The following PCDHA12 variants were observed in gnomAD, a reference collection of about 807,000 sequenced individuals.
The protein encoded by PCDHA12 is protocadherin alpha 12.
In PCDHA12, 44 loss-of-function variants were observed where a neutral mutation model predicts 60.0. The observed-to-expected ratio is 0.73, with a 90% CI of 0.58 to 0.94. The LOEUF is 0.94. Among genes scored for constraint, PCDHA12 ranks in the 40% least tolerant of loss-of-function variants. PCDHA12 has a pLI of 0.00. For synonymous variants in PCDHA12, 569 were observed against 553.0 expected (o/e 1.03, Z -0.40); for missense variants, 1,276 against 1,239.7 (o/e 1.03, Z -0.44).
chr5:141,003,540 T>A (rs2098129225), intron 3 of PCDHA12, among the ~76,000 whole-genome samples: 1 of 152,188 alleles, frequency 6.6e-6, no homozygotes, highest in Non-Finnish European at 1.5e-5. Flanking sequence ...CTTGAACTCC[T>A]GGCTTCAAGT....
chr5:140,886,043 T>C (rs977275136), intron 1 of PCDHA12, among the ~76,000 whole-genome samples: 3 of 152,168 alleles, frequency 2.0e-5, no homozygotes, highest in Admixed American at 6.5e-5. Context: ...TTTTCCCCAA[T>C]AGTAACATCT....
intron 1 of PCDHA12, among the ~76,000 whole-genome samples, chr5:140,880,565 A>T (rs1554171321): frequency 6.6e-6 from 1 of 152,206 alleles, no homozygotes; most frequent in Non-Finnish European, 1.5e-5. Flanking sequence ...TGAGGTTGAG[A>T]ATTTGAGAAG....
intron 1 of PCDHA12, chr5:140,929,420 C>A: frequency 6.7e-7 from 1 of 1,502,700 alleles, no homozygotes; most frequent in Non-Finnish European, 8.9e-7. Context: ...CACAACATTT[C>A]ATCAATTGAA....
At position 140,877,578 on chromosome 5, in the gene PCDHA12, C is replaced by A. The variant is rs782777600; in HGVS notation, c.2106C>A (p.Ile702=). 6 of 1,613,700 alleles carry A rather than the reference C, an allele frequency of 3.7e-6. No homozygotes were observed. Among genetic ancestry groups the A allele is most frequent in the East Asian group, 2.2e-5 (1 of 44,888 alleles). ...TGGATATTAACGTGTACCTCATCATCGCCATCTGTGCGGTGTCCAGCCTGC... is the reference window on the plus strand; with the variant it reads ...TGGATATTAACGTGTACCTCATCATAGCCATCTGTGCGGTGTCCAGCCTGC... ...ALVDINVYLI[I]AICAVSSLLV... Residue 702 remains isoleucine, a synonymous_variant, in exon 1 of 4, where the codon ATC becomes ATA. Transcript: ENST00000398631.
intron 1 of PCDHA12, among the ~76,000 whole-genome samples, chr5:140,942,271 A>G (rs1421470016): frequency 6.6e-6 from 1 of 152,184 alleles, no homozygotes; most frequent in Non-Finnish European, 1.5e-5. Context: ...AAAGCTGGTA[A>G]TGGTGGCTCA....
intron 1 of PCDHA12, among the ~76,000 whole-genome samples, chr5:140,905,708 C>T (rs1372981287): frequency 1.1e-4 from 16 of 152,092 alleles, no homozygotes; most frequent in Non-Finnish European, 1.6e-4. Context: ...TTATGATTTC[C>T]TTCAGCAGTG....
At chr5:140,907,564 C>A (rs782642591) in intron 1 of PCDHA12, among the ~76,000 whole-genome samples, 1 of 152,228 alleles carries the variant, frequency 6.6e-6, no homozygotes, top group African/African-American at 2.4e-5. Flanking sequence ...ATATAATCAA[C>A]TTGCCACCAG....
At chr5:140,996,947 T>C (rs1224598113) in intron 3 of PCDHA12, among the ~76,000 whole-genome samples, 2 of 152,176 alleles carry the variant, frequency 1.3e-5, no homozygotes, top group Non-Finnish European at 2.9e-5. Context: ...CATAGAAATA[T>C]TTATTTCCCT....
At position 140,927,469 on chromosome 5, in the gene PCDHA12, C is replaced by G. The variant is rs17844359; in HGVS notation, c.2367+49630C>G. ...GTTGGTGTTGGAGAAAGCACTGGATCGCGAACAGCGCGCCACCCACCTGCT... is the reference window on the plus strand; with the variant it reads ...GTTGGTGTTGGAGAAAGCACTGGATGGCGAACAGCGCGCCACCCACCTGCT... On this transcript the variant is annotated intron_variant, in intron 1 of 3. Transcript: ENST00000398631. 39 of 1,613,964 alleles carry G rather than the reference C, an allele frequency of 2.4e-5. No individual in the cohort carries two copies. The highest frequency in any genetic ancestry group is 1.3e-4 in the South Asian group (12 of 91,094).
chr5:140,941,202 C>CCTTCCTTTCTTTCTTTCTTT lies in PCDHA12; in HGVS notation c.2368-37744_2368-37743insCCTTTCTTTCTTTCTTTCTT, dbSNP rs1554213920. 2.0e-4 allele frequency among the ~76,000 whole-genome samples: 24 copies of CCTTCCTTTCTTTCTTTCTTT among 122,828 alleles called. 1 individual carries two copies. Among genetic ancestry groups the CCTTCCTTTCTTTCTTTCTTT allele is most frequent in the Non-Finnish European group, 2.3e-4 (13 of 55,838 alleles). The allele number at this position is 122,828 out of a possible 152,430, so 80.6% of individuals were successfully genotyped here. A position where few individuals can be genotyped will look rare whatever the true frequency, so the allele number is the denominator to read the frequency against. ...TCCTGCTTCTTTTTTTTTCTTTCTTCCTTTCTTTCTTCCTTTCTTTCTTTC... is the reference window on the plus strand; with the variant it reads ...TCCTGCTTCTTTTTTTTTCTTTCTTCCTTCCTTTCTTTCTTTCTTTCTTTCTTTCTTCCTTTCTTTCTTTC... On this transcript the variant is annotated intron_variant, in intron 1 of 3. Coordinates refer to ENST00000398631, the MANE Select transcript of PCDHA12 (RefSeq NM_018903.4).
rs534595431 is a variant in PCDHA12 at position 140,908,278 on chromosome 5, TG to T, written c.2367+30440del. On this transcript the variant is annotated intron_variant, in intron 1 of 3. Coordinates refer to ENST00000398631, the MANE Select transcript of PCDHA12 (RefSeq NM_018903.4). Reference sequence around the variant, plus strand: ...CATAGGGAACTCCCCATGAGGCCATTGTTGCAAGCTGGGGAAGAGAAGGAAG... The same window carrying T: ...CATAGGGAACTCCCCATGAGGCCATTTTGCAAGCTGGGGAAGAGAAGGAAG... Among the ~76,000 whole-genome samples the T allele has an allele frequency of 1.3e-3, 196 of 152,290 alleles. 1 individual carries two copies. Among genetic ancestry groups the T allele is most frequent in the African/African-American group, 4.6e-3 (191 of 41,570 alleles).
intron 1 of PCDHA12, among the ~76,000 whole-genome samples, chr5:140,908,732 A>G (rs909800763): frequency 6.6e-6 from 1 of 152,200 alleles, no homozygotes; most frequent in African/African-American, 2.4e-5. Flanking sequence ...ATATGGCTCG[A>G]GAAACAGAGC....
chr5:140,895,500 G>A (rs1554186539), intron 1 of PCDHA12, among the ~76,000 whole-genome samples: 2 of 152,046 alleles, frequency 1.3e-5, no homozygotes, highest in African/African-American at 2.4e-5. Context: ...CAGAACTTTT[G>A]CCCAATTTTT....
intron 1 of PCDHA12, among the ~76,000 whole-genome samples, chr5:140,907,719 C>A (rs2153502555): frequency 1.3e-5 from 2 of 152,330 alleles, no homozygotes; most frequent in South Asian, 4.1e-4. Flanking sequence ...CCATGTGTAA[C>A]CTCCATCCCT....
At chr5:140,926,650 T>G (rs1014447499) in intron 1 of PCDHA12, 13 of 487,778 alleles carry the variant, frequency 2.7e-5, no homozygotes, top group Middle Eastern at 5.5e-4. Flanking sequence ...CCCGGCCGGC[T>G]CCGCTTTCCC....
chr5:140,998,836 T>C (rs1388208720), intron 3 of PCDHA12, among the ~76,000 whole-genome samples: 2 of 152,254 alleles, frequency 1.3e-5, no homozygotes, highest in Non-Finnish European at 2.9e-5. Context: ...AGTGCTGGAT[T>C]ACTGGTGTGA....
chr5:140,932,351 A>G (rs1401387848), intron 1 of PCDHA12, among the ~76,000 whole-genome samples: 1 of 151,920 alleles, frequency 6.6e-6, no homozygotes, highest in African/African-American at 2.4e-5. Context: ...TTACCATACA[A>G]CTGGCCTTAT....
chr5:140,916,602 C>T (rs1554197542), intron 1 of PCDHA12, among the ~76,000 whole-genome samples: 2 of 152,240 alleles, frequency 1.3e-5, no homozygotes, highest in African/African-American at 2.4e-5. Context: ...GCCTGGAATG[C>T]GGGCCTCATG....
chr5:141,008,641 T>G (rs569373015), intron 3 of PCDHA12, among the ~76,000 whole-genome samples: 1 of 152,344 alleles, frequency 6.6e-6, no homozygotes, highest in Admixed American at 6.5e-5. Context: ...TAACAATTTC[T>G]TCTTCTGGAG....
Sources: gnomAD v4.1 joint callset for allele counts (sites outside exome capture counted in the v4.1 genomes callset) on GRCh38, gnomAD v4.1.1 for gene constraint, MANE v1.5 for transcripts, NCBI Gene and HGNC (gene_info 2026-07-23, HGNC 2026-07-21) for gene names.